NTM: variants seen among roughly 807,000 people sequenced by gnomAD.
The protein encoded by NTM is IgLON family member 2.
NTM carries 13 observed loss-of-function variants against 42.1 expected under a neutral mutation model. The ratio of observed to expected loss-of-function variants is 0.31; its 90% CI spans 0.20 to 0.49. The LOEUF is 0.49. NTM is among the 20% of genes least tolerant of loss of function. The pLI, the probability that NTM is intolerant of heterozygous loss-of-function variation, is 0.99. For synonymous variants in NTM, 187 were observed against 179.2 expected (o/e 1.04, Z -0.35); for missense variants, 373 against 452.8 (o/e 0.82, Z 1.60).
intron 1 of NTM, among the ~76,000 whole-genome samples, chr11:131,566,427 ATG>A (rs918981400): frequency 4.5e-5 from 4 of 89,050 alleles, no homozygotes; most frequent in African/African-American, 2.4e-4. Flanking sequence ...GTGTGTCTCG[ATG>A]TGCGTGTGTG....
intron 1 of NTM, among the ~76,000 whole-genome samples, chr11:131,817,545 A>G (rs1024641926): frequency 6.6e-6 from 1 of 152,196 alleles, no homozygotes; most frequent in Non-Finnish European, 1.5e-5. Flanking sequence ...CACTGCTGCT[A>G]TCATCCCTTA....
At chr11:131,383,845 G>T (rs1341706692) in intron 1 of NTM, among the ~76,000 whole-genome samples, 1 of 152,166 alleles carries the variant, frequency 6.6e-6, no homozygotes, top group African/African-American at 2.4e-5. Context: ...ATGAATTGAA[G>T]TTGGGCAAGA....
intron 1 of NTM, among the ~76,000 whole-genome samples, chr11:131,377,512 G>A (rs1292185269): frequency 1.3e-5 from 2 of 152,212 alleles, no homozygotes; most frequent in East Asian, 1.9e-4. Context: ...CTGTGGGAGG[G>A]ATTCAGAATT....
intron 1 of NTM, among the ~76,000 whole-genome samples, chr11:131,380,040 G>A (rs955134914): frequency 6.6e-6 from 1 of 152,108 alleles, no homozygotes; most frequent in Non-Finnish European, 1.5e-5. Flanking sequence ...CCTAAACTGA[G>A]GCACTCCCTG....
chr11:131,949,806 A>C (rs2060777306), intron 2 of NTM, among the ~76,000 whole-genome samples: 1 of 152,120 alleles, frequency 6.6e-6, no homozygotes, highest in Admixed American at 6.6e-5. Flanking sequence ...GGAGGGTAGA[A>C]AGCTCTGTGC....
chr11:131,391,356 C>T (rs902930582), intron 1 of NTM, among the ~76,000 whole-genome samples: 5 of 152,118 alleles, frequency 3.3e-5, no homozygotes, highest in African/African-American at 1.2e-4. Context: ...CTCTCCACTG[C>T]CAAGCTTGGC....
At chr11:131,910,744 C>A in intron 1 of NTM, 1 of 771,786 alleles carries the variant, frequency 1.3e-6, no homozygotes, top group Non-Finnish European at 1.6e-6. Context: ...CGCCGCGGTC[C>A]GCTCCCGCCG....
At chr11:131,917,017 C>T (rs2056506499) in intron 2 of NTM, among the ~76,000 whole-genome samples, 1 of 152,214 alleles carries the variant, frequency 6.6e-6, no homozygotes, top group Admixed American at 6.5e-5. Flanking sequence ...CTACCACTAC[C>T]ACCAGTCTTA....
chr11:131,483,336 G>A (rs1953812612), intron 1 of NTM, among the ~76,000 whole-genome samples: 2 of 152,184 alleles, frequency 1.3e-5, no homozygotes, highest in Admixed American at 1.3e-4. Context: ...AAGACTGTCA[G>A]GGTTACACAT....
chr11:131,425,290 CA>C (rs11333527), intron 1 of NTM, among the ~76,000 whole-genome samples: 106,374 of 151,962 alleles, frequency 0.7, 37,528 homozygotes, highest in East Asian at 0.9. Flanking sequence ...AGTTTCTGTG[CA>C]ATCTCTGGCC....
At chr11:131,548,620 T>C (rs542323178) in intron 1 of NTM, among the ~76,000 whole-genome samples, 1 of 152,314 alleles carries the variant, frequency 6.6e-6, no homozygotes, top group East Asian at 1.9e-4. Context: ...CATCCTGACT[T>C]CTTTCTATTC....
intron 1 of NTM, among the ~76,000 whole-genome samples, chr11:131,908,022 A>T (rs1166929685): frequency 6.6e-6 from 1 of 152,222 alleles, no homozygotes; most frequent in African/African-American, 2.4e-5. Flanking sequence ...GTTTGAATAA[A>T]GTTTGGATCC....
intron 2 of NTM, among the ~76,000 whole-genome samples, chr11:132,083,167 A>G (rs1194370545): frequency 6.6e-6 from 1 of 152,190 alleles, no homozygotes; most frequent in African/African-American, 2.4e-5. Context: ...GCCAGACATC[A>G]CTGTTTACTT....
At chr11:131,384,488 G>C (rs557732094) in intron 1 of NTM, among the ~76,000 whole-genome samples, 139 of 152,314 alleles carry the variant, frequency 9.1e-4, no homozygotes, top group African/African-American at 3.3e-3. Flanking sequence ...CGGAACAATG[G>C]GGTGGGGATA....
intron 1 of NTM, among the ~76,000 whole-genome samples, chr11:131,680,257 G>T (rs550077294): frequency 1.3e-5 from 2 of 152,224 alleles, no homozygotes; most frequent in Non-Finnish European, 2.9e-5. Flanking sequence ...AATCGGAAAA[G>T]ATACCAGATA....
chr11:131,632,506 G>A (rs74413637), intron 1 of NTM, among the ~76,000 whole-genome samples: 9,065 of 152,078 alleles, frequency 0.06, 704 homozygotes, highest in African/African-American at 0.18. Flanking sequence ...ATGGACAATG[G>A]TCTTAGACCA....
chr11:132,320,348 G>A (rs1214743382), intron 7 of NTM, among the ~76,000 whole-genome samples: 1 of 152,206 alleles, frequency 6.6e-6, no homozygotes, highest in Admixed American at 6.5e-5. Context: ...GCAGGGCGAG[G>A]CATTGCCTCA....
intron 1 of NTM, among the ~76,000 whole-genome samples, chr11:131,657,569 C>T (rs2067370861): frequency 6.6e-6 from 1 of 152,202 alleles, no homozygotes; most frequent in Admixed American, 6.5e-5. Flanking sequence ...CCTCAGAACA[C>T]CCCATGCCTA....
chr11:132,144,906 T>C (rs752684309), intron 2 of NTM, among the ~76,000 whole-genome samples: 4 of 152,216 alleles, frequency 2.6e-5, no homozygotes, highest in Non-Finnish European at 5.9e-5. Context: ...TGCACCTAAG[T>C]GATCCTTACA....
Sources: gnomAD v4.1 joint callset for allele counts (sites outside exome capture counted in the v4.1 genomes callset) on GRCh38, gnomAD v4.1.1 for gene constraint, MANE v1.5 for transcripts, NCBI Gene and HGNC (gene_info 2026-07-23, HGNC 2026-07-21) for gene names.